The following AAK1 variants were observed in gnomAD, a reference collection of about 807,000 sequenced individuals.
The protein encoded by AAK1 is AP2 associated kinase 1.
A neutral mutation model predicts 116.0 loss-of-function variants in AAK1; 37 were observed. The observed-to-expected ratio is 0.32, with a 90% confidence interval of 0.25 to 0.42. The LOEUF (loss-of-function observed/expected upper bound fraction) is 0.42. Among genes scored for constraint, AAK1 ranks in the 10% least tolerant of loss-of-function variants. AAK1 has a pLI of 1.00. For missense variants in AAK1, 919 were observed against 1,170.6 expected, an observed-to-expected ratio of 0.79 and a Z score of 3.14; for synonymous variants, 458 against 439.9, an observed-to-expected ratio of 1.04 and a Z score of -0.51.
At chr2:69,504,762 A>C (rs1343718690) in intron 16 of AAK1, among the ~76,000 whole-genome samples, 1 of 152,138 alleles carries the variant, frequency 6.6e-6, no homozygotes, top group Non-Finnish European at 1.5e-5. Context: ...GCGAGACTCC[A>C]TCTCAAAAAA....
At chr2:69,582,651 G>C (rs541884542) in intron 2 of AAK1, among the ~76,000 whole-genome samples, 19 of 151,068 alleles carry the variant, frequency 1.3e-4, no homozygotes, top group African/African-American at 4.2e-4. Flanking sequence ...CTTGCCAGCT[G>C]TCTGCTCAAG....
Position 69,469,740 on chromosome 2 carries a change from CTT to C in AAK1, c.*6127_*6128del, listed in dbSNP as rs1476577959. The C allele has an allele frequency of 4.5e-5, 44 of 985,338 alleles. No homozygotes were observed. The highest frequency in any genetic ancestry group is 4.8e-5 in the Non-Finnish European group (40 of 829,944). 61.0% of individuals were successfully genotyped at this position (985,338 alleles called of 1,614,324 possible). ...AATTCCCTCAAACTGGATCATGCCT[CTT>C]TTTATTTTGGTTTCACACATAAAAT... On this transcript the variant is annotated 3_prime_UTR_variant, in exon 22 of 22. Transcript: ENST00000409085.
At chr2:69,478,902 C>A (rs1674971516) in intron 20 of AAK1, 49 bp downstream of exon 20, 7 of 1,455,584 alleles carry the variant, frequency 4.8e-6, no homozygotes, top group South Asian at 2.3e-5. Flanking sequence ...TTGTTTAGTT[C>A]TTTCCCCTCT....
intron 2 of AAK1, among the ~76,000 whole-genome samples, chr2:69,588,525 C>T (rs1418205164): frequency 1.3e-5 from 2 of 152,178 alleles, no homozygotes; most frequent in Non-Finnish European, 2.9e-5. Flanking sequence ...CTACAGGTGA[C>T]GCAGGTATCC....
intron 5 of AAK1, among the ~76,000 whole-genome samples, chr2:69,535,668 G>A (rs945062918): frequency 4.6e-5 from 7 of 152,030 alleles, no homozygotes; most frequent in African/African-American, 1.4e-4. Flanking sequence ...TGGGGAAAGA[G>A]CATTCCAAGC....
At position 69,643,682 on chromosome 2, in the gene AAK1, G is replaced by A. The variant is rs1675864520; in HGVS notation, c.-342C>T. ...GAGGCGGCGCTGCAGCGAGAGCCGG[G>A]GCCGCGCTCGGCTCCCGCCCGCCCG... On this transcript the variant is annotated 5_prime_UTR_variant, in exon 1 of 22. Transcript: ENST00000409085. 8.2e-7 allele frequency: 1 copy of A among 1,222,104 alleles called. No homozygotes were observed. Among genetic ancestry groups the A allele is most frequent in the Non-Finnish European group, 1.0e-6 (1 of 981,772 alleles). 75.7% of individuals were successfully genotyped at this position (1,222,104 alleles called of 1,614,324 possible). A position where few individuals can be genotyped will look rare whatever the true frequency, so the allele number is the denominator to read the frequency against.
At chr2:69,630,718 G>A (rs576884817) in intron 2 of AAK1, among the ~76,000 whole-genome samples, 2 of 152,162 alleles carry the variant, frequency 1.3e-5, no homozygotes, top group South Asian at 4.1e-4. Flanking sequence ...ATCACACACA[G>A]TACTAACCTT....
intron 5 of AAK1, among the ~76,000 whole-genome samples, chr2:69,534,666 A>G (rs1670389618): frequency 6.6e-6 from 1 of 152,272 alleles, no homozygotes; most frequent in African/African-American, 2.4e-5. Context: ...CTTACTGTCA[A>G]TAGCAGAGGC....
Position 69,466,490 on chromosome 2 carries a change from C to T in AAK1, c.*9379G>A, listed in dbSNP as rs1572867095. 4 of 1,258,582 alleles carry T rather than the reference C, an allele frequency of 3.2e-6. No homozygotes were observed. Among genetic ancestry groups the T allele is most frequent in the Non-Finnish European group, 4.1e-6 (4 of 971,498 alleles). 78.0% of individuals were successfully genotyped at this position (1,258,582 alleles called of 1,614,324 possible). A position where few individuals can be genotyped will look rare whatever the true frequency, so the allele number is the denominator to read the frequency against. On this transcript the variant is annotated 3_prime_UTR_variant, in exon 22 of 22. Transcript: ENST00000409085. ...GATACAGCGGAAGGCCTTTAACACCCAGTGATTCTTTAAAGTGCTCTACAG... is the reference window on the plus strand; with the variant it reads ...GATACAGCGGAAGGCCTTTAACACCTAGTGATTCTTTAAAGTGCTCTACAG...
At chr2:69,579,563 A>G (rs1171019221) in intron 2 of AAK1, among the ~76,000 whole-genome samples, 1 of 152,202 alleles carries the variant, frequency 6.6e-6, no homozygotes, top group Non-Finnish European at 1.5e-5. Flanking sequence ...CTCCAGCCTC[A>G]ATGACAGAGC....
chr2:69,593,353 T>C (rs978155179), intron 2 of AAK1, among the ~76,000 whole-genome samples: 1 of 152,146 alleles, frequency 6.6e-6, no homozygotes, highest in Non-Finnish European at 1.5e-5. Context: ...GTTCACAACA[T>C]ATTATTGAGT....
In AAK1 at chr2:69,473,041, T is replaced by C. The variant is rs1674732827; in HGVS notation, c.*2828A>G. 1 of 967,926 alleles carries C rather than the reference T, an allele frequency of 1.0e-6. No homozygotes were observed. Among genetic ancestry groups the C allele is most frequent in the Non-Finnish European group, 1.2e-6 (1 of 813,632 alleles). 60.0% of individuals were successfully genotyped at this position (967,926 alleles called of 1,614,324 possible). ...AAATCCTTCATAGCCCTTCTCAATA[T>C]AATAATATATACTTAGGACCCTATA... is the stretch of plus-strand genomic sequence containing the variant. On this transcript the variant is annotated 3_prime_UTR_variant, in exon 22 of 22. Transcript: ENST00000409085.
rs369314468 is a variant in AAK1, at chr2:69,496,115, A to T, written c.2270-35T>A. ...GGTTGGAGGGGAAGGAGGAGTCAGG[A>T]GAGAAAAAAAGAGAAAAGCAATAAC... On this transcript the variant is annotated intron_variant, in intron 16 of 21. Transcript: ENST00000409085. 4.8e-6 allele frequency: 7 copies of T among 1,443,838 alleles called. No individual in the cohort carries two copies. In the East Asian group the frequency reaches 7.4e-5, roughly 15 times the overall value. 89.4% of individuals were successfully genotyped at this position (1,443,838 alleles called of 1,614,324 possible).
At chr2:69,543,245 C>CTA (rs1396107460) in intron 4 of AAK1, among the ~76,000 whole-genome samples, 1 of 152,092 alleles carries the variant, frequency 6.6e-6, no homozygotes, top group Non-Finnish European at 1.5e-5. Flanking sequence ...TGCCTGATCT[C>CTA]TAAACATTTT....
At position 69,473,593 on chromosome 2, in the gene AAK1, G is replaced by A. The variant is rs1175790189; in HGVS notation, c.*2276C>T. ...TCCATTAAGCTTTACTGAGCCAAATGACTAGATAATATATTTCAATGTAAT... is the reference window on the plus strand; with the variant it reads ...TCCATTAAGCTTTACTGAGCCAAATAACTAGATAATATATTTCAATGTAAT... On this transcript the variant is annotated 3_prime_UTR_variant, in exon 22 of 22. Transcript: ENST00000409085. The A allele has an allele frequency of 2.0e-6, 2 of 985,036 alleles. No homozygotes were observed. The highest frequency in any genetic ancestry group is 2.4e-6 in the Non-Finnish European group (2 of 829,696). The allele number at this position is 985,036 out of a possible 1,614,324, so 61.0% of individuals were successfully genotyped here.
intron 2 of AAK1, among the ~76,000 whole-genome samples, chr2:69,619,858 C>CAATA (rs1674511758): frequency 6.6e-6 from 1 of 152,078 alleles, no homozygotes; most frequent in Non-Finnish European, 1.5e-5. Context: ...GGATAGAGAG[C>CAATA]AATAACCAGA....
chr2:69,514,335 A>G, intron 13 of AAK1, 136 bp downstream of exon 13: 1 of 1,159,822 alleles, frequency 8.6e-7, no homozygotes, highest in Non-Finnish European at 1.2e-6. Flanking sequence ...TCAAGGAAAG[A>G]TCAAATAATT....
At chr2:69,519,270 T>G (rs1669640202) in intron 11 of AAK1, 30 bp from the exon 12 acceptor site, 1 of 1,488,460 alleles carries the variant, frequency 6.7e-7, no homozygotes, top group East Asian at 2.4e-5. Context: ...CATGTAAGGG[T>G]TCCAAATGCT....
intron 4 of AAK1, among the ~76,000 whole-genome samples, chr2:69,543,880 T>C (rs999302917): frequency 5.9e-5 from 9 of 152,172 alleles, no homozygotes; most frequent in African/African-American, 2.2e-4. Context: ...AAGATAAATG[T>C]TTTTTTGAAA....
Sources: gnomAD v4.1 joint callset for allele counts (sites outside exome capture counted in the v4.1 genomes callset) on GRCh38, gnomAD v4.1.1 for gene constraint, MANE v1.5 for transcripts, NCBI Gene and HGNC (gene_info 2026-07-23, HGNC 2026-07-21) for gene names.